SYN2: variants seen among roughly 807,000 people sequenced by gnomAD.
The protein encoded by SYN2 is synapsin II.
Under a neutral mutation model 50.9 loss-of-function variants are expected in SYN2, and 19 were observed. The observed-to-expected ratio is 0.37, with a 90% CI of 0.26 to 0.55. SYN2 has a LOEUF of 0.55. Among genes scored for constraint, SYN2 ranks in the 20% least tolerant of loss-of-function variants. SYN2 has a pLI of 0.81. For synonymous variants in SYN2, 255 were observed against 224.9 expected, an observed-to-expected ratio of 1.13 and a Z score of -1.20; for missense variants, 587 against 576.4, an observed-to-expected ratio of 1.02 and a Z score of -0.19.
chr3:12,159,518 A>C (rs920058588), intron 5 of SYN2, among the ~76,000 whole-genome samples: 2 of 152,100 alleles, frequency 1.3e-5, no homozygotes, highest in Admixed American at 6.5e-5. Context: ...GTGGGGAGAG[A>C]TGTCAAAGAA....
chr3:12,079,654 A>G (rs1220649290), intron 1 of SYN2, among the ~76,000 whole-genome samples: 1 of 152,170 alleles, frequency 6.6e-6, no homozygotes, highest in Non-Finnish European at 1.5e-5. Flanking sequence ...AATGAAGCCA[A>G]TTTGATTGTG....
At chr3:12,159,810 A>C (rs1486213895) in intron 5 of SYN2, among the ~76,000 whole-genome samples, 1 of 152,132 alleles carries the variant, frequency 6.6e-6, no homozygotes, top group East Asian at 1.9e-4. Context: ...TGGGAAGCCA[A>C]GGCGGGTTGA....
At chr3:12,132,713 G>A (rs1020975105) in intron 1 of SYN2, among the ~76,000 whole-genome samples, 1 of 152,170 alleles carries the variant, frequency 6.6e-6, no homozygotes, top group African/African-American at 2.4e-5. Flanking sequence ...ATCATAAATA[G>A]GAAAGCATTA....
Position 12,190,541 on chromosome 3 carries a change from C to T in SYN2, c.1665C>T (p.Phe555=). The T allele has an allele frequency of 6.2e-7, 1 of 1,613,850 alleles. No homozygotes were observed. Among genetic ancestry groups the T allele is most frequent in the Middle Eastern group, 1.6e-4 (1 of 6,062 alleles). Reference sequence around the variant, plus strand: ...TCAGCTTCTCTGAGTCCTCCTTCTTCCGGTCTTCAGCCAATGAGGATGAAG... The same window carrying T: ...TCAGCTTCTCTGAGTCCTCCTTCTTTCGGTCTTCAGCCAATGAGGATGAAG... ...NAFSFSESSF[F]RSSANEDEAK... Residue 555 remains phenylalanine, a synonymous_variant, in exon 13 of 13, where the codon TTC becomes TTT. Transcript: ENST00000621198.
intron 1 of SYN2, among the ~76,000 whole-genome samples, chr3:12,091,281 C>T (rs1184045824): frequency 6.6e-6 from 1 of 152,026 alleles, no homozygotes; most frequent in East Asian, 1.9e-4. Context: ...TTTCTCATTA[C>T]TCTTATTTAA....
chr3:12,136,424 C>T (rs931017596), intron 1 of SYN2, among the ~76,000 whole-genome samples: 19 of 152,286 alleles, frequency 1.2e-4, no homozygotes, highest in African/African-American at 3.1e-4. Flanking sequence ...GACTCAGAGA[C>T]GCATTATTTG....
intron 1 of SYN2, among the ~76,000 whole-genome samples, chr3:12,040,919 C>A (rs200174104): frequency 1.3e-5 from 2 of 152,180 alleles, no homozygotes; most frequent in East Asian, 3.9e-4. Context: ...CTTCTATAAC[C>A]TTTAACTGAG....
chr3:12,174,638 C>A (rs1386972766), intron 10 of SYN2, among the ~76,000 whole-genome samples: 1 of 152,132 alleles, frequency 6.6e-6, no homozygotes, highest in Non-Finnish European at 1.5e-5. Context: ...CGCGCCACCA[C>A]GCCCGGCTAA....
chr3:12,083,710 T>C (rs1338306915), intron 1 of SYN2, among the ~76,000 whole-genome samples: 1 of 152,216 alleles, frequency 6.6e-6, no homozygotes, highest in African/African-American at 2.4e-5. Context: ...TGGCACTTCA[T>C]CATCTGTTCT....
In SYN2 at chr3:12,153,745, T is replaced by C. The variant is rs377171247; in HGVS notation, c.774+2419T>C. The C allele has an allele frequency of 3.7e-6, 6 of 1,608,794 alleles. No homozygotes were observed. The African/African-American group carries it at 5.3e-5, about 14-fold the overall frequency. On this transcript the variant is annotated intron_variant, in intron 5 of 12. Transcript: ENST00000621198. ...CATGGCCACACAACATTAAAGTGAGTAGGGTGTCCTTCTTTTTCCATTGCT... is the reference window on the plus strand; with the variant it reads ...CATGGCCACACAACATTAAAGTGAGCAGGGTGTCCTTCTTTTTCCATTGCT...
chr3:12,156,890 A>G (rs1288949754), intron 5 of SYN2: 4 of 1,614,234 alleles, frequency 2.5e-6, no homozygotes, highest in Non-Finnish European at 3.4e-6. Context: ...CAAAAGGCGT[A>G]TAGATATACT....
chr3:12,183,382 A>G lies in SYN2; in HGVS notation c.1369+10A>G, dbSNP rs2289706. 6.5e-5 allele frequency: 105 copies of G among 1,613,892 alleles called. No homozygotes were observed. In the East Asian group the frequency reaches 2.2e-3, roughly 34 times the overall value. ...CGGCCACCCCCTCAAGGTTGTTTAC[A>G]GTATATTCTCGACTGTAATGGCATT... On this transcript the variant is annotated intron_variant, in intron 11 of 12. Coordinates refer to ENST00000621198, the MANE Select transcript of SYN2 (RefSeq NM_133625.6).
At chr3:12,139,738 G>T (rs1263287977) in intron 1 of SYN2, among the ~76,000 whole-genome samples, 1 of 152,142 alleles carries the variant, frequency 6.6e-6, no homozygotes, top group Non-Finnish European at 1.5e-5. Flanking sequence ...GAAATTTCAA[G>T]CACTGGAAAA....
At chr3:12,052,818 G>A (rs1053739678) in intron 1 of SYN2, among the ~76,000 whole-genome samples, 18 of 152,160 alleles carry the variant, frequency 1.2e-4, no homozygotes, top group African/African-American at 3.9e-4. Context: ...GAAACTCTTA[G>A]CATTGCCCTT....
chr3:12,146,157 T>G (rs1697146325), intron 4 of SYN2, among the ~76,000 whole-genome samples: 1 of 152,268 alleles, frequency 6.6e-6, no homozygotes, highest in African/African-American at 2.4e-5. Context: ...CTTATAGGTC[T>G]GTAGGCTCTG....
rs142916325 is a variant in SYN2, at chr3:12,107,102, A to C, written c.378-33549A>C. On this transcript the variant is annotated intron_variant, in intron 1 of 12. Coordinates refer to ENST00000621198, the MANE Select transcript of SYN2 (RefSeq NM_133625.6). ...AGTGTCCTGTGCTGCTATTTCCTAT[A>C]CTGTTCAACTGTTCAAGCATACTAT... Among the ~76,000 whole-genome samples the C allele has an allele frequency of 3.7e-3, 566 of 152,034 alleles. 6 individuals are homozygous for C. Among genetic ancestry groups the C allele is most frequent in the African/African-American group, 0.013 (534 of 41,458 alleles).
chr3:12,044,545 G>A (rs1694695504), intron 1 of SYN2, among the ~76,000 whole-genome samples: 1 of 152,122 alleles, frequency 6.6e-6, no homozygotes, highest in Admixed American at 6.6e-5. Flanking sequence ...TTTAGAATCT[G>A]ATGAAGACAT....
chr3:12,167,410 C>A (rs1450355618), intron 8 of SYN2, 102 bp downstream of exon 8: 9 of 1,217,074 alleles, frequency 7.4e-6, no homozygotes, highest in Non-Finnish European at 1.1e-5. Flanking sequence ...AGTCATGGAG[C>A]AAACCGGACA....
intron 1 of SYN2, among the ~76,000 whole-genome samples, chr3:12,027,424 C>A (rs567081358): frequency 6.6e-6 from 1 of 152,244 alleles, no homozygotes; most frequent in East Asian, 1.9e-4. Context: ...CCATTGTCCC[C>A]CTTTTTATCA....
Sources: allele counts gnomAD v4.1 joint callset (sites outside exome capture counted in the v4.1 genomes callset), GRCh38; gene constraint gnomAD v4.1.1; transcripts MANE v1.5; gene names NCBI Gene and HGNC (gene_info 2026-07-23, HGNC 2026-07-21).